Variants in MAGI2 observed in about 807,000 individuals in gnomAD.
The protein encoded by MAGI2 is membrane associated guanylate kinase, WW and PDZ domain containing 2.
Under a neutral mutation model 133.3 loss-of-function variants are expected in MAGI2, and 35 were observed. The observed-to-expected ratio is 0.26, with a 90% confidence interval of 0.20 to 0.35. MAGI2 has a LOEUF of 0.35. Ranked by LOEUF, MAGI2 falls within the 10% of genes least tolerant of loss-of-function variation. The pLI is 1.00. For missense variants in MAGI2, 1,636 were observed against 1,863.4 expected (o/e 0.88, Z 2.25); for synonymous variants, 729 against 710.6 (o/e 1.03, Z -0.41).
chr7:78,752,413 A>G (rs1250660015), intron 2 of MAGI2, among the ~76,000 whole-genome samples: 1 of 151,998 alleles, frequency 6.6e-6, no homozygotes. Flanking sequence ...GACCACCCTG[A>G]CCAACAAGGT....
chr7:78,859,551 A>T (rs1793976662), intron 2 of MAGI2, among the ~76,000 whole-genome samples: 1 of 152,152 alleles, frequency 6.6e-6, no homozygotes, highest in African/African-American at 2.4e-5. Context: ...TTTCTTTAGG[A>T]ATGTTGAATA....
chr7:78,067,442 G>A (rs147170664), intron 21 of MAGI2, among the ~76,000 whole-genome samples: 48 of 152,208 alleles, frequency 3.2e-4, no homozygotes, highest in African/African-American at 1.1e-3. Context: ...TACATTATGA[G>A]TGTATGTGTC....
intron 2 of MAGI2, among the ~76,000 whole-genome samples, chr7:78,700,292 A>G (rs560507845): frequency 3.3e-5 from 5 of 152,220 alleles, no homozygotes; most frequent in Admixed American, 2.0e-4. Context: ...GCCCATTGGA[A>G]TTGTTATGAA....
chr7:79,225,984 G>GT (rs1252215411), intron 1 of MAGI2, among the ~76,000 whole-genome samples: 1 of 152,104 alleles, frequency 6.6e-6, no homozygotes, highest in Non-Finnish European at 1.5e-5. Context: ...CACCTGAGGT[G>GT]TAAGAGTTGT....
intron 1 of MAGI2, among the ~76,000 whole-genome samples, chr7:79,398,573 G>A (rs537830853): frequency 1.3e-5 from 2 of 152,288 alleles, no homozygotes; most frequent in East Asian, 3.9e-4. Context: ...TTTTTCATCA[G>A]TGATGAATTC....
chr7:79,263,806 A>C (rs1426011606), intron 1 of MAGI2, among the ~76,000 whole-genome samples: 1 of 152,196 alleles, frequency 6.6e-6, no homozygotes, highest in African/African-American at 2.4e-5. Flanking sequence ...AATAAAAATT[A>C]ATTGTATAGT....
chr7:78,800,997 A>G (rs1200730743), intron 2 of MAGI2, among the ~76,000 whole-genome samples: 1 of 152,124 alleles, frequency 6.6e-6, no homozygotes, highest in African/African-American at 2.4e-5. Flanking sequence ...AAACCAGGGA[A>G]TATATTTTTA....
chr7:79,100,340 C>T (rs537560828), intron 1 of MAGI2, among the ~76,000 whole-genome samples: 12 of 151,968 alleles, frequency 7.9e-5, no homozygotes, highest in African/African-American at 2.7e-4. Flanking sequence ...TTCCACTTTC[C>T]AAACACTGAT....
chr7:79,194,998 C>T (rs1827959963), intron 1 of MAGI2, among the ~76,000 whole-genome samples: 1 of 151,910 alleles, frequency 6.6e-6, no homozygotes, highest in East Asian at 1.9e-4. Flanking sequence ...AGCTCTTGGG[C>T]AATAAGTAAT....
At chr7:78,993,047 A>G (rs886959016) in intron 2 of MAGI2, among the ~76,000 whole-genome samples, 5 of 152,062 alleles carry the variant, frequency 3.3e-5, no homozygotes, top group African/African-American at 9.7e-5. Context: ...ATACTTTTAA[A>G]TAATAAAGTT....
chr7:78,756,369 TAAC>T (rs1415908516), intron 2 of MAGI2, among the ~76,000 whole-genome samples: 1 of 152,214 alleles, frequency 6.6e-6, no homozygotes, highest in Non-Finnish European at 1.5e-5. Flanking sequence ...TGTGGATTAA[TAAC>T]AACACACTGT....
At chr7:78,293,000 A>T (rs1043384702) in intron 9 of MAGI2, among the ~76,000 whole-genome samples, 1 of 152,226 alleles carries the variant, frequency 6.6e-6, no homozygotes, top group Non-Finnish European at 1.5e-5. Flanking sequence ...AACCTAGGCA[A>T]TACCATTCAG....
chr7:78,827,186 G>A (rs992874525), intron 2 of MAGI2, among the ~76,000 whole-genome samples: 6 of 152,132 alleles, frequency 3.9e-5, no homozygotes, highest in African/African-American at 1.4e-4. Context: ...TACTCTATTA[G>A]CAAGAAGCCT....
At chr7:79,170,698 T>C (rs1825451817) in intron 1 of MAGI2, among the ~76,000 whole-genome samples, 1 of 152,106 alleles carries the variant, frequency 6.6e-6, no homozygotes, top group Non-Finnish European at 1.5e-5. Context: ...AGAAGAATAA[T>C]CATGAATGTA....
chr7:78,708,309 T>C (rs111910446), intron 2 of MAGI2, among the ~76,000 whole-genome samples: 9 of 152,250 alleles, frequency 5.9e-5, no homozygotes, highest in African/African-American at 1.2e-4. Flanking sequence ...ATGACCTATA[T>C]CCACTTTAAG....
At chr7:78,429,455 T>C (rs1406351173) in intron 6 of MAGI2, among the ~76,000 whole-genome samples, 1 of 152,060 alleles carries the variant, frequency 6.6e-6, no homozygotes, top group Non-Finnish European at 1.5e-5. Flanking sequence ...AAAACTCCCG[T>C]GGAAAAAAAT....
chr7:79,065,410 A>C (rs971364458), intron 1 of MAGI2, among the ~76,000 whole-genome samples: 1 of 152,140 alleles, frequency 6.6e-6, no homozygotes, highest in Non-Finnish European at 1.5e-5. Context: ...GACACATGGA[A>C]GGTACTCAAA....
intron 2 of MAGI2, among the ~76,000 whole-genome samples, chr7:78,671,401 C>G (rs1265407284): frequency 6.6e-6 from 1 of 151,734 alleles, no homozygotes; most frequent in Non-Finnish European, 1.5e-5. Context: ...TTACAGTTGA[C>G]TCTTAATTTT....
intron 1 of MAGI2, among the ~76,000 whole-genome samples, chr7:79,254,204 C>T (rs1348057213): frequency 1.3e-5 from 2 of 151,976 alleles, no homozygotes; most frequent in Non-Finnish European, 2.9e-5. Flanking sequence ...ATTCTTTGAC[C>T]ATTTTTCTCT....
Sources: gnomAD v4.1 joint callset for allele counts (sites outside exome capture counted in the v4.1 genomes callset) on GRCh38, gnomAD v4.1.1 for gene constraint, MANE v1.5 for transcripts, NCBI Gene and HGNC (gene_info 2026-07-23, HGNC 2026-07-21) for gene names.